The following FARP2 variants were observed in gnomAD, a reference collection of about 807,000 sequenced individuals.
FARP2 encodes the protein FERM, ARH/RhoGEF and pleckstrin domain protein 2.
Under a neutral mutation model 130.5 loss-of-function variants are expected in FARP2, and 111 were observed. That is an observed-to-expected ratio of 0.85 (90% CI 0.73 to 1.00). FARP2 has a LOEUF of 1.00. FARP2 is among the 50% of genes least tolerant of loss of function. The probability of loss-of-function intolerance (pLI) is 0.00; values close to 1 mark genes in which losing one functional copy is unlikely to be tolerated. For synonymous variants in FARP2, 504 were observed against 516.9 expected, an observed-to-expected ratio of 0.98 and a Z score of 0.34; for missense variants, 1,385 against 1,346.3, an observed-to-expected ratio of 1.03 and a Z score of -0.45.
At chr2:241,393,611 CTAGA>C (rs1324837371) in intron 2 of FARP2, among the ~76,000 whole-genome samples, 11 of 152,008 alleles carry the variant, frequency 7.2e-5, no homozygotes, top group Admixed American at 3.9e-4. Flanking sequence ...GAGGGGCCAT[CTAGA>C]TAGATAGAGG....
chr2:241,421,088 C>T lies in FARP2; in HGVS notation c.771+2979C>T, dbSNP rs1417657518. ...GAGCAGCATGGAGCCAAAGGAACCC[C>T]CATCCCCAGCCAAGAGAAATGGTGA... is the stretch of plus-strand genomic sequence containing the variant. On this transcript the variant is annotated intron_variant, in intron 8 of 26. Coordinates refer to ENST00000264042, the MANE Select transcript of FARP2 (RefSeq NM_014808.4). Among the ~76,000 whole-genome samples the T allele has an allele frequency of 3.3e-5, 5 of 152,142 alleles. No individual in the cohort carries two copies. In the East Asian group the frequency reaches 9.6e-4, roughly 29 times the overall value.
chr2:241,482,319 T>C lies in FARP2; in HGVS notation c.2263-1146T>C, dbSNP rs1270222027. 6.6e-6 allele frequency among the ~76,000 whole-genome samples: 1 copy of C among 152,152 alleles called. No individual in the cohort carries two copies. The highest frequency in any genetic ancestry group is 1.9e-4 in the East Asian group (1 of 5,184). ...CCCCGTGGGTCTGGGACGCACATCCTGTGAGGGAGCTCTGGAGAGGGGGCT... is the reference window on the plus strand; with the variant it reads ...CCCCGTGGGTCTGGGACGCACATCCCGTGAGGGAGCTCTGGAGAGGGGGCT... On this transcript the variant is annotated intron_variant, in intron 19 of 26. Coordinates refer to ENST00000264042, the MANE Select transcript of FARP2 (RefSeq NM_014808.4). This position sits in a 1 kb window ranked among gnomAD's most constrained non-coding sequence, Gnocchi z 4.6.
At chr2:241,363,428 C>T (rs545720086) in intron 1 of FARP2, among the ~76,000 whole-genome samples, 7 of 152,318 alleles carry the variant, frequency 4.6e-5, no homozygotes, top group East Asian at 3.9e-4. Context: ...GTAATTAAAG[C>T]CGTAGGTTTC....
At chr2:241,370,295 G>C (rs914639327) in intron 1 of FARP2, among the ~76,000 whole-genome samples, 1 of 152,168 alleles carries the variant, frequency 6.6e-6, no homozygotes, top group African/African-American at 2.4e-5. Context: ...ACTTGAGTTA[G>C]ACAGCAGTTT....
At chr2:241,382,290 C>CTCTTTTTTTTTTTTTTTTTTTTTTT (rs1553709361) in intron 2 of FARP2, among the ~76,000 whole-genome samples, 4 of 127,198 alleles carry the variant, frequency 3.1e-5, no homozygotes, top group South Asian at 2.6e-4. Context: ...TGTACAAAAT[C>CTCTTTTTTTTTTTTTTTTTTTTTTT]TATTTTTTTT....
At chr2:241,463,833 G>A (rs554566850) in intron 16 of FARP2, 66 bp from the exon 17 acceptor site, 11 of 1,384,320 alleles carry the variant, frequency 7.9e-6, no homozygotes, top group African/African-American at 4.3e-5. Context: ...GTCACCCTGC[G>A]TCAGATTACA....
chr2:241,452,613 G>A (rs1037356206), intron 13 of FARP2, among the ~76,000 whole-genome samples: 10 of 151,626 alleles, frequency 6.6e-5, no homozygotes, highest in African/African-American at 2.4e-4. Flanking sequence ...GTTCAGATTG[G>A]ACTTCATAAG....
intron 1 of FARP2, among the ~76,000 whole-genome samples, chr2:241,364,203 TAAG>T (rs1575449241): frequency 6.6e-6 from 1 of 152,302 alleles, no homozygotes; most frequent in East Asian, 1.9e-4. Context: ...ACTGGAAGTA[TAAG>T]AAGTTTTCAA....
intron 18 of FARP2, among the ~76,000 whole-genome samples, chr2:241,473,266 C>T (rs748595698): frequency 1.2e-4 from 18 of 151,834 alleles, no homozygotes; most frequent in Non-Finnish European, 2.5e-4. Flanking sequence ...TATAGGGACC[C>T]TGTTCTGAGG....
chr2:241,485,083 G>A (rs569865849), intron 21 of FARP2, among the ~76,000 whole-genome samples: 2 of 152,180 alleles, frequency 1.3e-5, no homozygotes, highest in Non-Finnish European at 2.9e-5. Flanking sequence ...GTGCTACAGT[G>A]GTCCTCACTC....
At chr2:241,453,464 T>C (rs1167007213) in intron 13 of FARP2, among the ~76,000 whole-genome samples, 1 of 148,784 alleles carries the variant, frequency 6.7e-6, no homozygotes, top group African/African-American at 2.5e-5. Flanking sequence ...CTACTAAAAA[T>C]ACAAAAAATT....
rs1449183930 is a variant in FARP2 at position 241,475,814 on chromosome 2, C to T, written c.2132-43C>T. 6 of 1,553,126 alleles carry T rather than the reference C, an allele frequency of 3.9e-6. No homozygotes were observed. The African/African-American group carries it at 6.9e-5, about 18-fold the overall frequency. ...GGTGGTGGGTGGAGGGTGCTGTGCA[C>T]ACCACTGCCTGTACACCTGTACTGA... On this transcript the variant is annotated intron_variant, in intron 18 of 26. Coordinates refer to ENST00000264042, the MANE Select transcript of FARP2 (RefSeq NM_014808.4). This position sits in a 1 kb window ranked among gnomAD's most constrained non-coding sequence, Gnocchi z 4.4.
intron 23 of FARP2, 89 bp from the exon 24 acceptor site, chr2:241,491,427 G>C (rs1314990511): frequency 7.0e-7 from 1 of 1,423,656 alleles, no homozygotes; most frequent in African/African-American, 1.4e-5. Flanking sequence ...ATTTCCCCAG[G>C]ACCCCCGAGA....
intron 8 of FARP2, among the ~76,000 whole-genome samples, chr2:241,420,099 C>G (rs961650833): frequency 1.3e-5 from 2 of 152,148 alleles, no homozygotes; most frequent in Admixed American, 6.5e-5. Flanking sequence ...TACAGTGAGC[C>G]GAGATCGTGC....
chr2:241,379,189 G>C (rs2150310642), intron 2 of FARP2, among the ~76,000 whole-genome samples: 1 of 152,304 alleles, frequency 6.6e-6, no homozygotes, highest in South Asian at 2.1e-4. Flanking sequence ...AAGATGTCTA[G>C]AACAATTATA....
chr2:241,491,120 A>G lies in FARP2; in HGVS notation c.2564A>G (p.Lys855Arg). 2 of 1,613,384 alleles carry G rather than the reference A, an allele frequency of 1.2e-6. No individual in the cohort carries two copies. Among genetic ancestry groups the G allele is most frequent in the Non-Finnish European group, 8.5e-7 (1 of 1,179,988 alleles). Residue 855 changes from lysine (K) to arginine (R), a missense_variant, in exon 23 of 27, where the codon AAG (lysine) becomes AGG (arginine). Coordinates refer to ENST00000264042, the MANE Select transcript of FARP2 (RefSeq NM_014808.4). ...CTGAACTCCGCGATCCAAGCAGCCA[A>G]GAGTGGCGGTGACACGGCCCCTGCA... ...LDLNSAIQAA[K>R]SGGDTAPALP...
intron 13 of FARP2, chr2:241,443,024 A>G (rs1487791629): frequency 9.8e-6 from 2 of 203,064 alleles, no homozygotes; most frequent in Non-Finnish European, 2.0e-5. Flanking sequence ...TACAGCCCTA[A>G]CCCTGGGAAA....
At chr2:241,388,988 A>C (rs535894474) in intron 2 of FARP2, among the ~76,000 whole-genome samples, 1 of 152,174 alleles carries the variant, frequency 6.6e-6, no homozygotes, top group Non-Finnish European at 1.5e-5. Context: ...CCCTTATAAG[A>C]ATAGACATGA....
chr2:241,421,321 G>A (rs1348884429), intron 8 of FARP2, among the ~76,000 whole-genome samples: 3 of 152,182 alleles, frequency 2.0e-5, no homozygotes, highest in African/African-American at 7.2e-5. Flanking sequence ...CAGCAAGGTG[G>A]GAAATCTGTT....
Sources: gnomAD v4.1 joint callset for allele counts (sites outside exome capture counted in the v4.1 genomes callset) on GRCh38, gnomAD v4.1.1 for gene constraint, Gnocchi (gnomAD v3.1) non-coding constraint, MANE v1.5 for transcripts, NCBI Gene and HGNC (gene_info 2026-07-23, HGNC 2026-07-21) for gene names.